The following ATP13A5 variants were observed in gnomAD, a reference collection of about 807,000 sequenced individuals.
The protein encoded by ATP13A5 is probable cation-transporting ATPase 13A5.
In ATP13A5, 149 loss-of-function variants were observed where a neutral mutation model predicts 150.2. The ratio of observed to expected loss-of-function variants is 0.99; its 90% CI spans 0.87 to 1.14. ATP13A5 has a LOEUF of 1.14. Among genes scored for constraint, ATP13A5 ranks in the 50% most tolerant of loss-of-function variants. The pLI is 0.00. For missense variants in ATP13A5, 1,383 were observed against 1,449.3 expected, an observed-to-expected ratio of 0.95 and a Z score of 0.74; for synonymous variants, 497 against 522.2, an observed-to-expected ratio of 0.95 and a Z score of 0.66.
At chr3:193,362,900 T>TCCTCCTGCCTCAA (rs1194289880) in intron 3 of ATP13A5, among the ~76,000 whole-genome samples, 8 of 152,006 alleles carry the variant, frequency 5.3e-5, no homozygotes. Context: ...GTTCAATCGA[T>TCCTCCTGCCTCAA]CCTCCTGCCT....
rs150934081 is a variant in ATP13A5 at position 193,314,996 on chromosome 3, G to A, written c.2134C>T (p.Arg712Cys). ...KLVLKELSEARIRTVMITGDN... is the reference protein window; with the variant it reads ...KLVLKELSEACIRTVMITGDN... Reference sequence around the variant, plus strand: ...CCTGTAATCATCACAGTCCTGATACGGGCCTCACTCAGTTCCTTCAAGACC... The same window carrying A: ...CCTGTAATCATCACAGTCCTGATACAGGCCTCACTCAGTTCCTTCAAGACC... Residue 712 changes from arginine (R) to cysteine (C), a missense_variant, in exon 18 of 30, where the codon CGT (arginine) becomes TGT (cysteine). By Grantham distance (180) the Arg-to-Cys change is radical (BLOSUM62 -3). Coordinates refer to ENST00000342358, the MANE Select transcript of ATP13A5 (RefSeq NM_198505.4). The A allele has an allele frequency of 2.9e-4, 472 of 1,613,092 alleles. No homozygotes were observed. In the African/African-American group the frequency reaches 3.0e-3, roughly 10 times the overall value.
chr3:193,372,353 T>C (rs932124885), intron 1 of ATP13A5: 2 of 147,850 alleles, frequency 1.4e-5, no homozygotes, highest in Admixed American at 6.8e-5. Context: ...ATGGCTGGAA[T>C]CTACCAACCC....
chr3:193,362,813 C>CTTTCTTTT (rs59105884), intron 3 of ATP13A5, among the ~76,000 whole-genome samples, 176 bp from the exon 4 acceptor site: 2 of 112,064 alleles, frequency 1.8e-5, no homozygotes, highest in African/African-American at 6.5e-5. Flanking sequence ...TTCTTTCTTT[C>CTTTCTTTT]AGACAGGGTC....
At position 193,275,012 on chromosome 3, in the gene ATP13A5, G is replaced by T; in HGVS notation, c.*30C>A. ...TGTTAATTTTGGGGAAAAAAGCAAT[G>T]CTGTTGAGCATGTACGACGACAATT... On this transcript the variant is annotated 3_prime_UTR_variant, in exon 30 of 30. Coordinates refer to ENST00000342358, the MANE Select transcript of ATP13A5 (RefSeq NM_198505.4). 1 of 1,611,202 alleles carries T rather than the reference G, an allele frequency of 6.2e-7. No homozygotes were observed. The highest frequency in any genetic ancestry group is 8.5e-7 in the Non-Finnish European group (1 of 1,178,374).
chr3:193,351,278 A>AT (rs940432265), intron 6 of ATP13A5, 77 bp from the exon 7 acceptor site: 5 of 1,538,526 alleles, frequency 3.2e-6, no homozygotes, highest in Admixed American at 1.9e-5. Flanking sequence ...TTCATTATCA[A>AT]TTTTTTTCTC....
Position 193,324,906 on chromosome 3 carries a change from C to T in ATP13A5, c.1632G>A (p.Gln544=), listed in dbSNP as rs1314232388. 3.1e-6 allele frequency: 5 copies of T among 1,614,008 alleles called. No homozygotes were observed. Among genetic ancestry groups the T allele is most frequent in the Non-Finnish European group, 4.2e-6 (5 of 1,179,992 alleles). ...ACATTTTGAGGTCCAGAGGGTCTCC[C>T]TGGATGGTCCCATTGAGAAGGATCA... is the stretch of plus-strand genomic sequence containing the variant. ...HSLILLNGTI[Q]GDPLDLKMFE... is the part of the protein sequence containing the mutation. The change falls in exon 14 of 30, where the codon CAG becomes CAA. Residue 544 remains glutamine (Q), a synonymous_variant. Transcript: ENST00000342358.
At chr3:193,318,076 T>G (rs2108858773) in intron 17 of ATP13A5, among the ~76,000 whole-genome samples, 1 of 152,364 alleles carries the variant, frequency 6.6e-6, no homozygotes, top group South Asian at 2.1e-4. Context: ...CTGTTTCAAG[T>G]ATTAAAATGT....
At chr3:193,327,282 A>G (rs1719500140) in intron 12 of ATP13A5, among the ~76,000 whole-genome samples, 1 of 152,194 alleles carries the variant, frequency 6.6e-6, no homozygotes, top group African/African-American at 2.4e-5. Context: ...GATTTCAGTT[A>G]CTAATGATGA....
At chr3:193,373,160 A>G (rs928890583) in intron 1 of ATP13A5, among the ~76,000 whole-genome samples, 2 of 152,096 alleles carry the variant, frequency 1.3e-5, no homozygotes, top group Non-Finnish European at 2.9e-5. Context: ...TTTTTTTGAG[A>G]TAGAGTCTCA....
rs748045002 is a variant in ATP13A5 at position 193,311,822 on chromosome 3, A to G, written c.2439T>C (p.Leu813=). The change falls in exon 20 of 30, where the codon CTT becomes CTC. Residue 813 remains leucine (L), a synonymous_variant. Coordinates refer to ENST00000342358, the MANE Select transcript of ATP13A5 (RefSeq NM_198505.4). ...QVIFQHFNSL[L]PKILVNGTVF... is the part of the protein sequence containing the mutation. ...TTCTTTCTTCAGTACTTACTTTTGGAAGCAAGCTGTTGAAATGCTGAAATA... is the reference window on the plus strand; with the variant it reads ...TTCTTTCTTCAGTACTTACTTTTGGGAGCAAGCTGTTGAAATGCTGAAATA... 2.5e-6 allele frequency: 4 copies of G among 1,613,818 alleles called. No individual in the cohort carries two copies. The highest frequency in any genetic ancestry group is 3.4e-6 in the Non-Finnish European group (4 of 1,179,824).
intron 25 of ATP13A5, among the ~76,000 whole-genome samples, chr3:193,298,005 T>C (rs1718240240): frequency 6.6e-6 from 1 of 152,108 alleles, no homozygotes; most frequent in South Asian, 2.1e-4. Context: ...ATGATTCATG[T>C]TGTAATGAGT....
rs560817969 is a variant in ATP13A5, at chr3:193,356,868, T to C, written c.537-2672A>G. ...TCTTGCTCTGTCGCCCAGGCTGGAGTGCATTGGCACAGTCTAGGCTCACTT... is the reference window on the plus strand; with the variant it reads ...TCTTGCTCTGTCGCCCAGGCTGGAGCGCATTGGCACAGTCTAGGCTCACTT... On this transcript the variant is annotated intron_variant, in intron 5 of 29. Coordinates refer to ENST00000342358, the MANE Select transcript of ATP13A5 (RefSeq NM_198505.4). 6.1e-4 allele frequency among the ~76,000 whole-genome samples: 93 copies of C among 152,044 alleles called. 2 individuals are homozygous for C. The highest frequency in any genetic ancestry group is 2.0e-3 in the African/African-American group (85 of 41,464).
intron 17 of ATP13A5, 150 bp downstream of exon 17, chr3:193,318,841 T>G (rs1230975602): frequency 3.3e-6 from 2 of 612,996 alleles, no homozygotes; most frequent in Middle Eastern, 4.5e-4. Context: ...TCACCTACAA[T>G]TATCCATCTC....
rs1339052345 is a variant in ATP13A5 at position 193,354,125 on chromosome 3, A to G, written c.606+2T>C. ...AAAAAAAAAAGAAAAGAAAACAGTT[A>G]CCTGTTTAACAAGCAGCTTCCATAT... On this transcript the variant is annotated splice_donor_variant, in intron 6 of 29. Coordinates refer to ENST00000342358, the MANE Select transcript of ATP13A5 (RefSeq NM_198505.4). LOFTEE classifies it high-confidence loss of function. 2 of 1,603,064 alleles carry G rather than the reference A, an allele frequency of 1.2e-6. No individual in the cohort carries two copies. Among genetic ancestry groups the G allele is most frequent in the Admixed American group, 1.7e-5 (1 of 57,734 alleles).
chr3:193,335,180 A>G (rs1711807049), intron 9 of ATP13A5, 81 bp from the exon 10 acceptor site: 3 of 1,348,874 alleles, frequency 2.2e-6, no homozygotes, highest in Non-Finnish European at 3.1e-6. Context: ...TCAAGAAATT[A>G]TACAAACCAC....
At chr3:193,362,498 C>T (rs774993023) in intron 4 of ATP13A5, 37 bp from the exon 5 acceptor site, 4 of 1,612,968 alleles carry the variant, frequency 2.5e-6, no homozygotes, top group Non-Finnish European at 2.5e-6. Context: ...CACTTCAGTT[C>T]ATAGCACTCA....
chr3:193,351,033 C>T (rs1365227518), intron 7 of ATP13A5, 34 bp downstream of exon 7: 1 of 1,609,118 alleles, frequency 6.2e-7, no homozygotes, highest in Non-Finnish European at 8.5e-7. Flanking sequence ...TAGCTAGAAG[C>T]TAAATAGAAT....
At chr3:193,300,541 A>G (rs1718358223) in intron 24 of ATP13A5, among the ~76,000 whole-genome samples, 4 of 152,176 alleles carry the variant, frequency 2.6e-5, no homozygotes, top group South Asian at 4.1e-4. Flanking sequence ...AAGCAATAGA[A>G]TAATCCCTCC....
rs1718950201 is a variant in ATP13A5 at position 193,314,037 on chromosome 3, T to C, written c.2315A>G (p.Lys772Arg). ...LVENQETGPG[K>R]KEIYMHTGNS... ...GGCCTTCTAACATTTGCTCACTTTC[T>C]TCCCAGGTCCAGTCTCTTGGTTCTC... Residue 772 changes from lysine to arginine, a missense_variant, in exon 19 of 30, where the codon AAG becomes AGG. Around this residue, in one of 3 missense-constraint regions of ATP13A5, gnomAD observed 568 missense variants for 621.5 expected, o/e 0.91. Coordinates refer to ENST00000342358, the MANE Select transcript of ATP13A5 (RefSeq NM_198505.4). 2 of 1,612,732 alleles carry C rather than the reference T, an allele frequency of 1.2e-6. No homozygotes were observed. The highest frequency in any genetic ancestry group is 1.7e-6 in the Non-Finnish European group (2 of 1,179,784).
Sources: allele counts gnomAD v4.1 joint callset (sites outside exome capture counted in the v4.1 genomes callset), GRCh38; gene constraint gnomAD v4.1.1; regional missense constraint gnomAD v4.1.1; transcripts MANE v1.5; gene names NCBI Gene and HGNC (gene_info 2026-07-23, HGNC 2026-07-21).